The following MED15 variants were observed in gnomAD, a reference collection of about 807,000 sequenced individuals.
MED15 encodes mediator complex subunit 15, also known as mediator of RNA polymerase II transcription subunit 15.
In MED15, 41 loss-of-function variants were observed where a neutral mutation model predicts 118.7. The observed-to-expected ratio is 0.35, with a 90% confidence interval of 0.27 to 0.45. MED15 has a LOEUF of 0.45. MED15 is among the 20% of genes least tolerant of loss of function. The probability of loss-of-function intolerance (pLI) is 1.00; values close to 1 mark genes in which losing one functional copy is unlikely to be tolerated. For missense variants in MED15, 740 were observed against 1,025.5 expected (o/e 0.72, Z 3.80); for synonymous variants, 436 against 413.9 (o/e 1.05, Z -0.65).
chr22:20,567,019 C>G (rs1318644516), intron 7 of MED15, among the ~76,000 whole-genome samples: 2 of 152,218 alleles, frequency 1.3e-5, no homozygotes, highest in East Asian at 3.9e-4. Context: ...CTGAGAGCTG[C>G]TTCTGCACCC....
chr22:20,538,497 G>A (rs1467381198), intron 2 of MED15, among the ~76,000 whole-genome samples: 1 of 151,958 alleles, frequency 6.6e-6, no homozygotes, highest in Non-Finnish European at 1.5e-5. Flanking sequence ...CTATCCCCAC[G>A]CCTTGCCCTC....
In MED15 at chr22:20,575,163, C is replaced by T; in HGVS notation, c.1203C>T (p.Phe401=). Residue 401 remains phenylalanine, a synonymous_variant, in exon 9 of 18, where the codon TTC becomes TTT. Coordinates refer to ENST00000263205, the MANE Select transcript of MED15 (RefSeq NM_001003891.3). ...GTGGGATGCACATAAGAGCCCGGTT[C>T]CCGCCTACCACCGCTGTGTCCGCCA... The part of the protein sequence containing the change: ...AQGGMHIRAR[F]PPTTAVSAIP... The T allele has an allele frequency of 6.2e-7, 1 of 1,614,204 alleles. No homozygotes were observed. The highest frequency in any genetic ancestry group is 8.5e-7 in the Non-Finnish European group (1 of 1,180,042).
At chr22:20,580,447 G>A (rs1235783320) in intron 9 of MED15, among the ~76,000 whole-genome samples, 1 of 152,120 alleles carries the variant, frequency 6.6e-6, no homozygotes, top group African/African-American at 2.4e-5. Flanking sequence ...AGCTGCTCAG[G>A]CACAGGCGCC....
At chr22:20,547,157 T>C (rs537928611) in intron 2 of MED15, among the ~76,000 whole-genome samples, 1 of 152,334 alleles carries the variant, frequency 6.6e-6, no homozygotes, top group South Asian at 2.1e-4. Context: ...ATAAACAGTT[T>C]ATATTACCAC....
At chr22:20,515,527 CGCCTATAATCCTA>C (rs2054219502) in intron 1 of MED15, among the ~76,000 whole-genome samples, 1 of 152,082 alleles carries the variant, frequency 6.6e-6, no homozygotes, top group African/African-American at 2.4e-5. Context: ...TAGTGGCTCA[CGCCTATAATCCTA>C]GCACTTTGGG....
intron 8 of MED15, chr22:20,573,956 T>C (rs1415868949): frequency 6.6e-6 from 1 of 152,218 alleles, no homozygotes; most frequent in Non-Finnish European, 1.5e-5. Flanking sequence ...ACGAGTGAGC[T>C]TCTGGTCGGC....
rs564148578 is a variant in MED15, at chr22:20,533,584, C to T, written c.69-3533C>T. Among the ~76,000 whole-genome samples the T allele has an allele frequency of 2.0e-4, 30 of 152,218 alleles. 1 individual carries two copies. The highest frequency in any genetic ancestry group is 7.2e-4 in the African/African-American group (30 of 41,536). Reference sequence around the variant, plus strand: ...TAGCCTTGCTGGAGGAGCGCCTTGCCGGAGGAGCACCTTGCTCCTTGGCCC... The same window carrying T: ...TAGCCTTGCTGGAGGAGCGCCTTGCTGGAGGAGCACCTTGCTCCTTGGCCC... On this transcript the variant is annotated intron_variant, in intron 1 of 17. Transcript: ENST00000263205.
At chr22:20,545,392 T>C (rs2055486246) in intron 2 of MED15, among the ~76,000 whole-genome samples, 1 of 144,816 alleles carries the variant, frequency 6.9e-6, no homozygotes, top group Non-Finnish European at 1.5e-5. Context: ...GGCAGGAGAA[T>C]CACTTGAACC....
At chr22:20,546,502 GTTTTTTTTGT>G (rs2055543941) in intron 2 of MED15, among the ~76,000 whole-genome samples, 1 of 109,400 alleles carries the variant, frequency 9.1e-6, no homozygotes, top group Non-Finnish European at 1.8e-5. Flanking sequence ...GTTACATGGA[GTTTTTTTTGT>G]TTTTTTTTTT....
intron 2 of MED15, among the ~76,000 whole-genome samples, chr22:20,538,006 TTTTC>T (rs1488101030): frequency 2.0e-5 from 3 of 152,242 alleles, no homozygotes; most frequent in African/African-American, 7.2e-5. Flanking sequence ...AGCTTTTTCT[TTTTC>T]TTTAAGAGCT....
intron 8 of MED15, among the ~76,000 whole-genome samples, chr22:20,570,393 CTT>C (rs362206): frequency 8.1e-4 from 109 of 135,372 alleles, no homozygotes; most frequent in South Asian, 1.2e-3. Flanking sequence ...TTCTTTCTGT[CTT>C]TTTTTTTTTT....
chr22:20,520,182 ATGT>A (rs1304662245), intron 1 of MED15, among the ~76,000 whole-genome samples: 2 of 152,130 alleles, frequency 1.3e-5, no homozygotes, highest in African/African-American at 4.8e-5. Context: ...GCTTCTTCTT[ATGT>A]TGGTGGGCTC....
chr22:20,573,717 T>G (rs572098752), intron 8 of MED15: 1 of 152,330 alleles, frequency 6.6e-6, no homozygotes, highest in South Asian at 2.1e-4. Flanking sequence ...ATTCCTTGCG[T>G]TTTTTTGTTT....
chr22:20,537,988 G>A (rs150250096), intron 2 of MED15, among the ~76,000 whole-genome samples: 5 of 152,306 alleles, frequency 3.3e-5, no homozygotes, highest in East Asian at 3.9e-4. Flanking sequence ...CTACGGATAC[G>A]TTTGATAAGC....
Position 20,508,215 on chromosome 22 carries a change from G to A in MED15, c.68+469G>A, listed in dbSNP as rs552861137. 3.2e-6 allele frequency: 4 copies of A among 1,238,204 alleles called. No homozygotes were observed. The Admixed American group carries it at 1.2e-4, about 38-fold the overall frequency. 76.7% of individuals were successfully genotyped at this position (1,238,204 alleles called of 1,614,324 possible). On this transcript the variant is annotated intron_variant, in intron 1 of 17. Transcript: ENST00000263205. The stretch of plus-strand genomic sequence containing the variant: ...GGGAAGGTAGTTGTTTGGGGTGTGG[G>A]CGGTGGGACGGAGGATCTGAGGGTG...
chr22:20,555,240 T>C (rs1410498599), intron 5 of MED15, 92 bp downstream of exon 5: 1 of 1,273,850 alleles, frequency 7.9e-7, no homozygotes, highest in South Asian at 1.5e-5. Flanking sequence ...AAGAAAAGCA[T>C]GGAGAAGCTC....
chr22:20,532,998 T>C (rs1332340511), intron 1 of MED15, among the ~76,000 whole-genome samples: 1 of 152,108 alleles, frequency 6.6e-6, no homozygotes, highest in African/African-American at 2.4e-5. Flanking sequence ...TGACAGTGGC[T>C]CGAAGGGTTT....
intron 1 of MED15, among the ~76,000 whole-genome samples, chr22:20,514,610 G>C (rs1025739207): frequency 2.0e-5 from 3 of 152,284 alleles, no homozygotes; most frequent in Middle Eastern, 6.8e-3. Context: ...AAGGGGCTTA[G>C]GGGGAGCATG....
intron 5 of MED15, among the ~76,000 whole-genome samples, chr22:20,557,155 TGCTTTGTCAGTGTAGCA>T (rs1174922343): frequency 1.3e-5 from 2 of 152,286 alleles, no homozygotes; most frequent in Admixed American, 6.5e-5. Context: ...TCGCCCCCTC[TGCTTTGTCAGTGTAGCA>T]GCTGCTAAGG....
Sources: gnomAD v4.1 joint callset for allele counts (sites outside exome capture counted in the v4.1 genomes callset) on GRCh38, gnomAD v4.1.1 for gene constraint, MANE v1.5 for transcripts, NCBI Gene and HGNC (gene_info 2026-07-23, HGNC 2026-07-21) for gene names.